The following NAV2 variants were observed in gnomAD, a reference collection of about 807,000 sequenced individuals.
The protein encoded by NAV2 is helicase, APC down-regulated 1.
A neutral mutation model predicts 223.2 loss-of-function variants in NAV2; 54 were observed. The ratio of observed to expected loss-of-function variants is 0.24; its 90% CI spans 0.19 to 0.30. The LOEUF (loss-of-function observed/expected upper bound fraction) is 0.30, where lower values mean the gene tolerates loss of function less well. Ranked by LOEUF, NAV2 falls within the 10% of genes least tolerant of loss-of-function variation. NAV2 has a pLI of 1.00. For missense variants in NAV2, 2,806 were observed against 3,147.5 expected, an observed-to-expected ratio of 0.89 and a Z score of 2.60; for synonymous variants, 1,279 against 1,239.3, an observed-to-expected ratio of 1.03 and a Z score of -0.67.
intron 1 of NAV2, among the ~76,000 whole-genome samples, chr11:19,666,434 C>T (rs1023041604): frequency 9.9e-5 from 15 of 152,144 alleles, no homozygotes; most frequent in Non-Finnish European, 1.6e-4. Flanking sequence ...CTCCAGCAGC[C>T]GTAGGCAGCA....
At chr11:19,770,510 G>C (rs754630658) in intron 1 of NAV2, among the ~76,000 whole-genome samples, 1 of 152,080 alleles carries the variant, frequency 6.6e-6, no homozygotes, top group Non-Finnish European at 1.5e-5. Flanking sequence ...TGGGGAGGGG[G>C]CTGGAGAAGG....
At chr11:19,967,695 C>T (rs1339583220) in intron 10 of NAV2, among the ~76,000 whole-genome samples, 2 of 152,148 alleles carry the variant, frequency 1.3e-5, no homozygotes, top group Admixed American at 6.5e-5. Context: ...GGAATATTCA[C>T]TCAGAATCTG....
At chr11:19,587,916 G>A (rs1041094447) in intron 1 of NAV2, among the ~76,000 whole-genome samples, 2 of 152,188 alleles carry the variant, frequency 1.3e-5, no homozygotes, top group African/African-American at 4.8e-5. Context: ...ATCCAGCCTT[G>A]AGGCCATAAA....
chr11:19,376,651 A>G (rs1373389781), intron 1 of NAV2, among the ~76,000 whole-genome samples: 5 of 152,234 alleles, frequency 3.3e-5, no homozygotes, highest in South Asian at 2.1e-4. Context: ...AAGATCTACT[A>G]TATACCAGAT....
intron 12 of NAV2, among the ~76,000 whole-genome samples, chr11:20,036,495 C>A (rs1257697198): frequency 6.6e-6 from 1 of 152,194 alleles, no homozygotes; most frequent in Non-Finnish European, 1.5e-5. Context: ...TGTCTAATCC[C>A]TGTAGGAGGA....
intron 1 of NAV2, among the ~76,000 whole-genome samples, chr11:19,375,440 T>C (rs916973883): frequency 1.3e-5 from 2 of 152,158 alleles, no homozygotes; most frequent in Admixed American, 1.3e-4. Flanking sequence ...TTCTTTGGGG[T>C]CCTATTCTTT....
chr11:19,357,982 C>G (rs1003533304), intron 1 of NAV2, among the ~76,000 whole-genome samples: 3 of 152,108 alleles, frequency 2.0e-5, no homozygotes, highest in African/African-American at 7.2e-5. Flanking sequence ...GGAAAAAAAA[C>G]CTGGTTACCT....
chr11:20,097,484 A>G (rs1261913092), intron 30 of NAV2, 93 bp from the exon 31 acceptor site: 2 of 1,020,514 alleles, frequency 2.0e-6, no homozygotes, highest in African/African-American at 3.3e-5. Flanking sequence ...GAGAAAGAAG[A>G]GAATATGATC....
At chr11:19,430,942 G>A (rs749209004) in intron 1 of NAV2, among the ~76,000 whole-genome samples, 9 of 152,194 alleles carry the variant, frequency 5.9e-5, no homozygotes, top group Non-Finnish European at 1.2e-4. Flanking sequence ...TAGAACATGG[G>A]CTACTTGCCA....
intron 11 of NAV2, among the ~76,000 whole-genome samples, chr11:20,024,648 A>G (rs2054872558): frequency 1.3e-5 from 2 of 152,244 alleles, no homozygotes; most frequent in Admixed American, 1.3e-4. Context: ...CCCAAGAAAG[A>G]GAGAGCTTAA....
In NAV2 at chr11:19,457,883, A is replaced by G. The variant is rs953385213; in HGVS notation, c.75+106856A>G. On this transcript the variant is annotated intron_variant, in intron 1 of 37. Transcript: ENST00000360655. ...TGTTTTGCCCCCAAGAAATAATTAC[A>G]AAGAATTGAAGAGAATGAGGCACAG... is the stretch of plus-strand genomic sequence containing the variant. Among the ~76,000 whole-genome samples, 19 of 152,310 alleles carry G rather than the reference A, an allele frequency of 1.2e-4. No homozygotes were observed. In the South Asian group the frequency reaches 2.5e-3, roughly 20 times the overall value.
intron 22 of NAV2, among the ~76,000 whole-genome samples, chr11:20,071,979 TG>T (rs1805135808): frequency 6.6e-6 from 1 of 152,222 alleles, no homozygotes; most frequent in Admixed American, 6.5e-5. Flanking sequence ...TTGTTCCCAT[TG>T]CTTTTGATAT....
chr11:20,015,131 C>A (rs2053896787), intron 11 of NAV2, among the ~76,000 whole-genome samples: 2 of 152,070 alleles, frequency 1.3e-5, no homozygotes, highest in South Asian at 4.2e-4. Context: ...GACCTAATTG[C>A]CACATGGATT....
intron 1 of NAV2, among the ~76,000 whole-genome samples, chr11:19,398,242 A>AAG (rs528931495): frequency 6.6e-6 from 1 of 151,930 alleles, no homozygotes; most frequent in Non-Finnish European, 1.5e-5. Flanking sequence ...AAGCAGGAGC[A>AAG]AGAGAGAGAG....
chr11:19,467,565 C>T (rs181197051), intron 1 of NAV2, among the ~76,000 whole-genome samples: 12 of 152,136 alleles, frequency 7.9e-5, no homozygotes, highest in East Asian at 1.9e-4. Flanking sequence ...CATGAGAGGC[C>T]GAACATTGAA....
At chr11:20,110,304 C>T (rs1017027620) in intron 36 of NAV2, among the ~76,000 whole-genome samples, 9 of 152,350 alleles carry the variant, frequency 5.9e-5, no homozygotes, top group African/African-American at 1.9e-4. Context: ...GTGACCTCGC[C>T]ATCCTGATCA....
chr11:19,984,330 G>A lies in NAV2; in HGVS notation c.2768+83G>A, dbSNP rs2050573235. On this transcript the variant is annotated intron_variant, in intron 11 of 37. Coordinates refer to ENST00000349880, the MANE Select transcript of NAV2 (RefSeq NM_145117.5). ...AGAAATGAGGGTTATGATATTGGGAGAGTGAATGGAGACTTGAACCCACAG... is the reference window on the plus strand; with the variant it reads ...AGAAATGAGGGTTATGATATTGGGAAAGTGAATGGAGACTTGAACCCACAG... 3.1e-6 allele frequency: 5 copies of A among 1,592,114 alleles called. No individual in the cohort carries two copies. In the South Asian group the frequency reaches 4.4e-5, roughly 14 times the overall value.
chr11:19,707,169 C>A (rs1473804132), intron 1 of NAV2, among the ~76,000 whole-genome samples: 1 of 152,118 alleles, frequency 6.6e-6, no homozygotes, highest in African/African-American at 2.4e-5. Flanking sequence ...TACACTATTG[C>A]AGAGTTTATT....
intron 1 of NAV2, among the ~76,000 whole-genome samples, chr11:19,793,206 C>CAAAAAAAAAAAAAAAAAAAA (rs557365857): frequency 5.2e-5 from 3 of 58,252 alleles, no homozygotes; most frequent in Non-Finnish European, 7.1e-5. Flanking sequence ...CACTCTGTCT[C>CAAAAAAAAAAAAAAAAAAAA]AAAAAAAAAA....
Sources: gnomAD v4.1 joint callset for allele counts (sites outside exome capture counted in the v4.1 genomes callset) on GRCh38, gnomAD v4.1.1 for gene constraint, MANE v1.5 for transcripts, NCBI Gene and HGNC (gene_info 2026-07-23, HGNC 2026-07-21) for gene names.